The following APBB2 variants were observed in gnomAD, a reference collection of about 807,000 sequenced individuals.
APBB2 encodes the protein Fe65-like 1.
A neutral mutation model predicts 82.5 loss-of-function variants in APBB2; 38 were observed. The observed-to-expected ratio is 0.46, with a 90% confidence interval of 0.36 to 0.60. The LOEUF (loss-of-function observed/expected upper bound fraction) is 0.60. APBB2 is among the 20% of genes least tolerant of loss of function. The pLI, the probability that APBB2 is intolerant of heterozygous loss-of-function variation, is 0.00. For synonymous variants in APBB2, 341 were observed against 368.2 expected, an observed-to-expected ratio of 0.93 and a Z score of 0.85; for missense variants, 772 against 972.3, an observed-to-expected ratio of 0.79 and a Z score of 2.74.
intron 1 of APBB2, among the ~76,000 whole-genome samples, chr4:41,201,624 C>T (rs1462424848): frequency 1.3e-5 from 2 of 152,124 alleles, no homozygotes; most frequent in Non-Finnish European, 1.5e-5. Flanking sequence ...AGGGCACCCA[C>T]CTATATCCGT....
chr4:41,074,879 T>C (rs1289997186), intron 3 of APBB2, among the ~76,000 whole-genome samples: 1 of 152,144 alleles, frequency 6.6e-6, no homozygotes, highest in African/African-American at 2.4e-5. Flanking sequence ...CCCAGCATGG[T>C]GGCTCATGCC....
intron 2 of APBB2, among the ~76,000 whole-genome samples, chr4:41,117,477 A>T (rs1015670471): frequency 3.3e-5 from 5 of 151,774 alleles, no homozygotes; most frequent in African/African-American, 1.2e-4. Flanking sequence ...ATTTTTGATA[A>T]AGATGGGGTT....
rs372646787 is a variant in APBB2 at position 40,890,633 on chromosome 4, T to C, written c.1402-142A>G. The stretch of plus-strand genomic sequence containing the variant: ...TAATTTGTCTGCCTAAGAAACTTCC[T>C]TTCTGGACAAGAATATTGATATCTT... On this transcript the variant is annotated intron_variant, in intron 11 of 17. Transcript: ENST00000508593. 81 of 1,122,694 alleles carry C rather than the reference T, an allele frequency of 7.2e-5. 1 individual carries two copies. The East Asian group carries it at 2.0e-3, about 28-fold the overall frequency. The allele number at this position is 1,122,694 out of a possible 1,614,324, so 69.5% of individuals were successfully genotyped here.
chr4:40,963,412 A>G (rs1793814864), intron 6 of APBB2, among the ~76,000 whole-genome samples: 1 of 151,740 alleles, frequency 6.6e-6, no homozygotes, highest in Non-Finnish European at 1.5e-5. Context: ...ACACCCAACT[A>G]TGTTTTTTGA....
chr4:41,052,208 A>AATACATACATACATACATAC (rs33920742), intron 4 of APBB2, among the ~76,000 whole-genome samples: 2,356 of 149,806 alleles, frequency 0.016, 27 homozygotes, highest in Middle Eastern at 0.034. Context: ...TCTGTACAAA[A>AATACATACATACATACATAC]ATACATACAT....
At chr4:41,160,748 G>T (rs1031883651) in intron 1 of APBB2, among the ~76,000 whole-genome samples, 1 of 152,150 alleles carries the variant, frequency 6.6e-6, no homozygotes, top group African/African-American at 2.4e-5. Flanking sequence ...AGGAAGGGTG[G>T]CCTAAGGATG....
intron 1 of APBB2, among the ~76,000 whole-genome samples, chr4:41,147,549 G>A (rs558004464): frequency 5.4e-5 from 8 of 147,432 alleles, no homozygotes; most frequent in South Asian, 4.3e-4. Flanking sequence ...GGAGTGCAGT[G>A]GCACAATCTC....
At chr4:40,828,502 C>G (rs1160187862) in intron 13 of APBB2, among the ~76,000 whole-genome samples, 1 of 152,190 alleles carries the variant, frequency 6.6e-6, no homozygotes, top group Non-Finnish European at 1.5e-5. Context: ...TAAAATCAAG[C>G]GTTTCCTGCA....
At chr4:40,983,012 G>C (rs1398714719) in intron 6 of APBB2, among the ~76,000 whole-genome samples, 1 of 152,136 alleles carries the variant, frequency 6.6e-6, no homozygotes, top group African/African-American at 2.4e-5. Context: ...GCAGACATGG[G>C]GGACCCATTA....
chr4:40,986,126 G>A (rs543413510), intron 6 of APBB2, among the ~76,000 whole-genome samples: 1 of 152,254 alleles, frequency 6.6e-6, no homozygotes, highest in South Asian at 2.1e-4. Context: ...ATCTTCTCAA[G>A]CTACTCCATC....
chr4:41,045,965 T>A (rs1579522543), intron 4 of APBB2, among the ~76,000 whole-genome samples: 1 of 151,572 alleles, frequency 6.6e-6, no homozygotes, highest in Non-Finnish European at 1.5e-5. Context: ...TTTTTCTAAG[T>A]TTTTTTTAAT....
rs1469516157 is a variant in APBB2 at position 40,815,389 on chromosome 4, C to T, written c.*703G>A. Reference sequence around the variant, plus strand: ...TTTGAAAACCATCGGAAAAGAAAGGCTATGTTTTGTTCGATTTTAATTCCT... The same window carrying T: ...TTTGAAAACCATCGGAAAAGAAAGGTTATGTTTTGTTCGATTTTAATTCCT... On this transcript the variant is annotated 3_prime_UTR_variant, in exon 18 of 18. Transcript: ENST00000508593. 2 of 152,484 alleles carry T rather than the reference C, an allele frequency of 1.3e-5. No homozygotes were observed. The highest frequency in any genetic ancestry group is 4.8e-5 in the African/African-American group (2 of 41,400). The allele number at this position is 152,484 out of a possible 1,614,324, so 9.4% of individuals were successfully genotyped here. A position where few individuals can be genotyped will look rare whatever the true frequency, so the allele number is the denominator to read the frequency against.
chr4:41,067,761 C>T (rs1299022277), intron 3 of APBB2, among the ~76,000 whole-genome samples: 1 of 152,140 alleles, frequency 6.6e-6, no homozygotes, highest in Non-Finnish European at 1.5e-5. Flanking sequence ...TTGGATTTGA[C>T]ATTTAAGAAG....
chr4:41,070,057 T>C (rs1475253139), intron 3 of APBB2, among the ~76,000 whole-genome samples: 2 of 152,162 alleles, frequency 1.3e-5, no homozygotes, highest in African/African-American at 4.8e-5. Context: ...CAGGACATCA[T>C]TACTCTCACA....
intron 12 of APBB2, among the ~76,000 whole-genome samples, chr4:40,865,411 G>C (rs1362640498): frequency 6.6e-6 from 1 of 152,116 alleles, no homozygotes; most frequent in Non-Finnish European, 1.5e-5. Context: ...AGGAGAGTAA[G>C]ACAGTAAGGG....
chr4:41,147,092 G>A (rs938144373), intron 1 of APBB2, among the ~76,000 whole-genome samples: 1 of 152,200 alleles, frequency 6.6e-6, no homozygotes, highest in Non-Finnish European at 1.5e-5. Context: ...AGTTCTAACA[G>A]TAAACATTAA....
At chr4:41,023,913 T>C (rs1579325266) in intron 5 of APBB2, among the ~76,000 whole-genome samples, 1 of 152,190 alleles carries the variant, frequency 6.6e-6, no homozygotes, top group South Asian at 2.1e-4. Flanking sequence ...AAGCCTCATG[T>C]TACCCAACTT....
chr4:40,880,410 T>G (rs1242929773), intron 12 of APBB2: 1 of 985,336 alleles, frequency 1.0e-6, no homozygotes, highest in Non-Finnish European at 1.2e-6. Flanking sequence ...ACAACTCGTG[T>G]ATGAAAAGTG....
At chr4:40,983,723 G>A (rs1227662804) in intron 6 of APBB2, among the ~76,000 whole-genome samples, 1 of 152,084 alleles carries the variant, frequency 6.6e-6, no homozygotes, top group African/African-American at 2.4e-5. Flanking sequence ...GACTACAGGT[G>A]CATGCCACCA....
Sources: allele counts gnomAD v4.1 joint callset (sites outside exome capture counted in the v4.1 genomes callset), GRCh38; gene constraint gnomAD v4.1.1; transcripts MANE v1.5; gene names NCBI Gene and HGNC (gene_info 2026-07-23, HGNC 2026-07-21).